The following CNKSR2 variants were observed in gnomAD, a reference collection of about 807,000 sequenced individuals.
CNKSR2 encodes the protein CNK homolog protein 2.
CNKSR2 carries 14 observed loss-of-function variants against 84.4 expected under a neutral mutation model. The observed-to-expected ratio is 0.17, with a 90% confidence interval of 0.11 to 0.26. CNKSR2 has a LOEUF of 0.26. Ranked by LOEUF, CNKSR2 falls within the 10% of genes least tolerant of loss-of-function variation. CNKSR2 has a pLI of 1.00. For synonymous variants in CNKSR2, 275 were observed against 277.9 expected, an observed-to-expected ratio of 0.99 and a Z score of 0.10; for missense variants, 485 against 771.2, an observed-to-expected ratio of 0.63 and a Z score of 4.40.
chrX:21,490,372 C>T, intron 5 of CNKSR2, 87 bp from the exon 6 acceptor site: 1 of 925,716 alleles, frequency 1.1e-6, no homozygotes, highest in South Asian at 2.7e-5. Context: ...GTTTATTTTT[C>T]CTTATGAAAA....
At chrX:21,467,825 T>C (rs895154324) in intron 4 of CNKSR2, among the ~76,000 whole-genome samples, 1 of 110,820 alleles carries the variant, frequency 9.0e-6, no homozygotes, top group Non-Finnish European at 1.9e-5. Context: ...CAATATTTTA[T>C]TCTTCAAATA....
chrX:21,383,373 G>A (rs1284310563), intron 1 of CNKSR2, among the ~76,000 whole-genome samples: 3 of 112,702 alleles, frequency 2.7e-5, no homozygotes, highest in African/African-American at 9.6e-5. Flanking sequence ...TTACTAAAGT[G>A]CAGTAATAAC....
At chrX:21,564,286 A>G (rs958717144) in intron 13 of CNKSR2, among the ~76,000 whole-genome samples, 2 of 111,337 alleles carry the variant, frequency 1.8e-5, no homozygotes, top group African/African-American at 6.5e-5. Flanking sequence ...ATAATTTTGA[A>G]CTGGGAACTT....
At chrX:21,421,429 CG>C (rs1329745292) in intron 1 of CNKSR2, among the ~76,000 whole-genome samples, 1 of 108,007 alleles carries the variant, frequency 9.3e-6, no homozygotes, top group Non-Finnish European at 1.9e-5. Context: ...GGTGTCCTTG[CG>C]GGGGGCTAGG....
chrX:21,620,506 A>G (rs558290481), intron 20 of CNKSR2, among the ~76,000 whole-genome samples: 2 of 110,701 alleles, frequency 1.8e-5, no homozygotes, highest in South Asian at 7.7e-4. Flanking sequence ...TTCTACCCAA[A>G]AGAGAAACTT....
chrX:21,566,748 A>G (rs2092242334), intron 13 of CNKSR2, among the ~76,000 whole-genome samples: 2 of 111,727 alleles, frequency 1.8e-5, no homozygotes, highest in South Asian at 3.8e-4. Context: ...ATGCATGCAT[A>G]TAGTGTTCCT....
chrX:21,398,136 T>C (rs983837662), intron 1 of CNKSR2, among the ~76,000 whole-genome samples: 22 of 112,021 alleles, frequency 2.0e-4, no homozygotes, highest in African/African-American at 6.5e-4. Context: ...AGAGTAATTA[T>C]AGCAGTGTGA....
chrX:21,635,538 A>G (rs1002509726), intron 20 of CNKSR2, among the ~76,000 whole-genome samples: 2 of 106,178 alleles, frequency 1.9e-5, no homozygotes. Context: ...GTATATATAA[A>G]TATATGTATA....
intron 5 of CNKSR2, among the ~76,000 whole-genome samples, chrX:21,481,766 T>C (rs1013475473): frequency 1.8e-5 from 2 of 111,862 alleles, no homozygotes; most frequent in African/African-American, 3.3e-5. Flanking sequence ...AGAGGGCCTG[T>C]GTAGGGAGTC....
chrX:21,467,503 G>C (rs187637579), intron 4 of CNKSR2, among the ~76,000 whole-genome samples: 9 of 111,085 alleles, frequency 8.1e-5, no homozygotes, highest in Middle Eastern at 9.3e-3. Flanking sequence ...TTCCTCCTCT[G>C]CTCCTCTAGC....
intron 20 of CNKSR2, among the ~76,000 whole-genome samples, chrX:21,618,861 A>G (rs952623137): frequency 8.9e-6 from 1 of 112,129 alleles, no homozygotes; most frequent in Non-Finnish European, 1.9e-5. Flanking sequence ...TAGCTCTTCC[A>G]TAAGTCTACT....
chrX:21,642,421 A>G (rs2147338847), intron 20 of CNKSR2: 1 of 750,404 alleles, frequency 1.3e-6, no homozygotes, highest in East Asian at 1.5e-4. Context: ...TTTGAAAAGT[A>G]TTTTGTCTGG....
chrX:21,560,403 C>T (rs746237037), intron 11 of CNKSR2, among the ~76,000 whole-genome samples: 1 of 110,582 alleles, frequency 9.0e-6, no homozygotes, highest in African/African-American at 3.3e-5. Context: ...AGTTATATAA[C>T]CTTAGTTTCC....
At chrX:21,499,123 A>G (rs746427473) in intron 7 of CNKSR2, among the ~76,000 whole-genome samples, 1 of 111,794 alleles carries the variant, frequency 8.9e-6, no homozygotes, top group Admixed American at 9.5e-5. Flanking sequence ...AGTAACATGC[A>G]TATTATGAAG....
At chrX:21,548,871 C>G (rs969315289) in intron 11 of CNKSR2, among the ~76,000 whole-genome samples, 1 of 112,004 alleles carries the variant, frequency 8.9e-6, no homozygotes, top group African/African-American at 3.2e-5. Flanking sequence ...AAATTCAGCA[C>G]CCCTTCATGC....
At chrX:21,409,228 T>TTATATATATATATA (rs57301315) in intron 1 of CNKSR2, among the ~76,000 whole-genome samples, 1 of 38,451 alleles carries the variant, frequency 2.6e-5, no homozygotes, top group African/African-American at 8.8e-5. Flanking sequence ...AATGAAAAAA[T>TTATATATATATATA]TATATATATA....
chrX:21,434,383 C>CT (rs2090676722), intron 3 of CNKSR2, among the ~76,000 whole-genome samples: 1 of 111,252 alleles, frequency 9.0e-6, no homozygotes, highest in South Asian at 3.7e-4. Flanking sequence ...GGTGGTATTA[C>CT]TTTCATTATG....
At chrX:21,385,053 A>G (rs967158470) in intron 1 of CNKSR2, among the ~76,000 whole-genome samples, 29 of 111,802 alleles carry the variant, frequency 2.6e-4, no homozygotes, top group African/African-American at 9.1e-4. Context: ...AAAGGACACA[A>G]TTCAGATAGG....
chrX:21,591,712 G>A (rs1439890735), intron 15 of CNKSR2: 2 of 109,639 alleles, frequency 1.8e-5, no homozygotes, highest in East Asian at 2.9e-4. Flanking sequence ...GCCCAGTGGG[G>A]GGGTATATAT....
Sources: gnomAD v4.1 joint callset for allele counts (sites outside exome capture counted in the v4.1 genomes callset) on GRCh38, gnomAD v4.1.1 for gene constraint, MANE v1.5 for transcripts, NCBI Gene and HGNC (gene_info 2026-07-23, HGNC 2026-07-21) for gene names.